XPO7: variants seen among roughly 807,000 people sequenced by gnomAD.
The protein encoded by XPO7 is exportin 7, also known as exportin-7.
A neutral mutation model predicts 144.3 loss-of-function variants in XPO7; 21 were observed. The ratio of observed to expected loss-of-function variants is 0.15; its 90% CI spans 0.10 to 0.21. The LOEUF (loss-of-function observed/expected upper bound fraction) is 0.21. Ranked by LOEUF, XPO7 falls within the 10% of genes least tolerant of loss-of-function variation. XPO7 has a pLI of 1.00. For missense variants in XPO7, 808 were observed against 1,325.8 expected (o/e 0.61, Z 6.06); for synonymous variants, 580 against 499.6 (o/e 1.16, Z -2.15).
intron 7 of XPO7, among the ~76,000 whole-genome samples, chr8:21,977,241 GA>G (rs1333641653): frequency 6.6e-6 from 1 of 152,142 alleles, no homozygotes; most frequent in Non-Finnish European, 1.5e-5. Flanking sequence ...TCAGAGAATT[GA>G]AAGAAGAAAT....
At position 21,971,979 on chromosome 8, in the gene XPO7, T is replaced by C. The variant is rs1310434795; in HGVS notation, c.492+38T>C. ...GCCTTCCTCATTGAAGTAAGTGCCA[T>C]ATTTTTTCTTAGTATTGGTGTTTTC... On this transcript the variant is annotated intron_variant, in intron 5 of 27. Transcript: ENST00000252512. 5.6e-6 allele frequency: 9 copies of C among 1,595,886 alleles called. No homozygotes were observed. The African/African-American group carries it at 1.2e-4, about 21-fold the overall frequency.
chr8:21,921,740 T>C (rs1483462549), intron 1 of XPO7: 1 of 152,238 alleles, frequency 6.6e-6, no homozygotes, highest in Non-Finnish European at 1.5e-5. Flanking sequence ...CAGTGTTTTA[T>C]TGGTACCCTT....
chr8:21,941,394 C>T (rs565416501), intron 1 of XPO7, among the ~76,000 whole-genome samples: 7 of 152,146 alleles, frequency 4.6e-5, no homozygotes, highest in Non-Finnish European at 8.8e-5. Flanking sequence ...TCAAGCAACC[C>T]TCTCGCCTTG....
intron 7 of XPO7, 75 bp from the exon 8 acceptor site, chr8:21,977,695 G>A: frequency 7.3e-7 from 1 of 1,366,438 alleles, no homozygotes; most frequent in Non-Finnish European, 1.0e-6. Flanking sequence ...GCTCCCTGAT[G>A]TATAGTGCTG....
chr8:22,004,058 T>C, intron 27 of XPO7, 28 bp downstream of exon 27: 1 of 1,610,776 alleles, frequency 6.2e-7, no homozygotes, highest in Non-Finnish European at 8.5e-7. Context: ...TGCCTAGAAA[T>C]CTCAGACAAT....
chr8:21,995,608 G>A lies in XPO7; in HGVS notation c.2345+9G>A. The A allele has an allele frequency of 6.3e-7, 1 of 1,581,300 alleles. No individual in the cohort carries two copies. Among genetic ancestry groups the A allele is most frequent in the Admixed American group, 1.8e-5 (1 of 55,720 alleles). ...GAATTGGTTCATAATAGGTAAGCAG[G>A]AGGCAGAGCTTGCAAGGGCACATCT... On this transcript the variant is annotated intron_variant, in intron 21 of 27. Transcript: ENST00000252512.
At chr8:21,979,756 A>G (rs1239611138) in intron 8 of XPO7, among the ~76,000 whole-genome samples, 1 of 152,202 alleles carries the variant, frequency 6.6e-6, no homozygotes, top group Non-Finnish European at 1.5e-5. Flanking sequence ...CATAACATCT[A>G]CATGTCAAAC....
Position 22,004,001 on chromosome 8 carries a change from G to A in XPO7, c.3141G>A (p.Glu1047=). The stretch of plus-strand genomic sequence containing the variant: ...TTGAGAACCTGATGGAAGGCATCGA[G>A]CGAAATCTTCTTACGAAAAACAGAG... The part of the protein sequence containing the change: ...LCFENLMEGI[E]RNLLTKNRDR... The change falls in exon 27 of 28, where the codon GAG becomes GAA. Residue 1047 remains glutamate, a synonymous_variant. Coordinates refer to ENST00000252512, the MANE Select transcript of XPO7 (RefSeq NM_015024.5). 6.2e-7 allele frequency: 1 copy of A among 1,613,908 alleles called. No homozygotes were observed. The highest frequency in any genetic ancestry group is 8.5e-7 in the Non-Finnish European group (1 of 1,179,866).
intron 1 of XPO7, among the ~76,000 whole-genome samples, chr8:21,928,154 G>T (rs1327738292): frequency 6.6e-6 from 1 of 152,220 alleles, no homozygotes; most frequent in South Asian, 2.1e-4. Flanking sequence ...AAATTAGTTT[G>T]CATTTTCTGG....
At chr8:21,990,944 C>T (rs1374687890) in intron 18 of XPO7, 25 bp downstream of exon 18, 6 of 1,600,328 alleles carry the variant, frequency 3.7e-6, no homozygotes, top group Middle Eastern at 1.7e-4. Flanking sequence ...CGTAGTGGCT[C>T]ATGAAGTCAT....
At chr8:21,981,609 C>T (rs1421973899) in intron 9 of XPO7, 122 bp from the exon 10 acceptor site, 11 of 1,218,226 alleles carry the variant, frequency 9.0e-6, no homozygotes, top group Non-Finnish European at 1.3e-5. Context: ...GAATCATGAC[C>T]TGCAGCCCAG....
At chr8:21,920,901 G>A (rs1165663635) in intron 1 of XPO7, among the ~76,000 whole-genome samples, 2 of 152,136 alleles carry the variant, frequency 1.3e-5, no homozygotes, top group Non-Finnish European at 2.9e-5. Context: ...TTCTTAATAC[G>A]TCTACAAGAA....
intron 2 of XPO7, among the ~76,000 whole-genome samples, chr8:21,967,764 CAGG>C (rs1464432325): frequency 2.0e-5 from 3 of 152,252 alleles, no homozygotes; most frequent in African/African-American, 7.2e-5. Flanking sequence ...AATGAAATTA[CAGG>C]AGATTGTAGG....
At chr8:21,939,215 TTTTTCTTTTC>T (rs1332509406) in intron 1 of XPO7, among the ~76,000 whole-genome samples, 7 of 138,694 alleles carry the variant, frequency 5.0e-5, no homozygotes, top group African/African-American at 2.0e-4. Context: ...TTTGGATTTC[TTTTTCTTTTC>T]TTTTTTTTTT....
At chr8:21,988,388 T>A (rs1263987285) in intron 15 of XPO7, 2 of 156,998 alleles carry the variant, frequency 1.3e-5, no homozygotes, top group South Asian at 1.9e-4. Flanking sequence ...CTTTTTTATT[T>A]TTTTTTTTAC....
chr8:21,970,399 C>G lies in XPO7; in HGVS notation c.426+89C>G. On this transcript the variant is annotated intron_variant, in intron 4 of 27. Coordinates refer to ENST00000252512, the MANE Select transcript of XPO7 (RefSeq NM_015024.5). The stretch of plus-strand genomic sequence containing the variant: ...ACACACACACACACACACAACTTAA[C>G]ACGCTTATCTACTTTTTAAACATGA... 9 of 1,122,870 alleles carry G rather than the reference C, an allele frequency of 8.0e-6. No individual in the cohort carries two copies. The South Asian group carries it at 1.3e-4, about 17-fold the overall frequency. 69.6% of individuals were successfully genotyped at this position (1,122,870 alleles called of 1,614,324 possible). A position where few individuals can be genotyped will look rare whatever the true frequency, so the allele number is the denominator to read the frequency against.
intron 1 of XPO7, among the ~76,000 whole-genome samples, chr8:21,946,584 A>C (rs1811197919): frequency 9.8e-6 from 1 of 101,958 alleles, no homozygotes; most frequent in Non-Finnish European, 2.0e-5. Context: ...GAAAAAAAAA[A>C]ACAAAAAAAA....
At chr8:22,000,330 T>A (rs1813096817) in intron 24 of XPO7, among the ~76,000 whole-genome samples, 1 of 152,184 alleles carries the variant, frequency 6.6e-6, no homozygotes, top group Admixed American at 6.5e-5. Flanking sequence ...TTAGGCTGTT[T>A]GAATTCTGTC....
At chr8:21,932,755 G>A (rs1307863460) in intron 1 of XPO7, among the ~76,000 whole-genome samples, 1 of 152,158 alleles carries the variant, frequency 6.6e-6, no homozygotes, top group Non-Finnish European at 1.5e-5. Context: ...GTAGGCCAGG[G>A]GGGATGCTAA....
Sources: gnomAD v4.1 joint callset for allele counts (sites outside exome capture counted in the v4.1 genomes callset) on GRCh38, gnomAD v4.1.1 for gene constraint, MANE v1.5 for transcripts, NCBI Gene and HGNC (gene_info 2026-07-23, HGNC 2026-07-21) for gene names.